The following ABCD2 variants were observed in gnomAD, a reference collection of about 807,000 sequenced individuals.
ABCD2 encodes ATP binding cassette subfamily D member 2, also known as ATP-binding cassette sub-family D member 2.
ABCD2 carries 36 observed loss-of-function variants against 70.9 expected under a neutral mutation model. That is an observed-to-expected ratio of 0.51 (90% CI 0.39 to 0.67). The LOEUF (loss-of-function observed/expected upper bound fraction) is 0.67. ABCD2 is among the 30% of genes least tolerant of loss of function. The pLI is 0.00. For missense variants in ABCD2, 729 were observed against 890.2 expected (o/e 0.82, Z 2.30); for synonymous variants, 304 against 306.9 (o/e 0.99, Z 0.10).
At chr12:39,605,063 C>T in intron 3 of ABCD2, 133 bp from the exon 4 acceptor site, 1 of 568,540 alleles carries the variant, frequency 1.8e-6, no homozygotes, top group Middle Eastern at 5.1e-4. Context: ...ATATATAATA[C>T]ATCTGAAAAC....
intron 8 of ABCD2, 105 bp downstream of exon 8, chr12:39,579,430 C>T (rs1941565810): frequency 1.4e-6 from 1 of 739,772 alleles, no homozygotes; most frequent in Non-Finnish European, 2.3e-6. Context: ...TATTTTTAAG[C>T]TACAGATGAA....
At chr12:39,607,748 T>TC in intron 2 of ABCD2, 34 bp from the exon 3 acceptor site, 1 of 1,260,450 alleles carries the variant, frequency 7.9e-7, no homozygotes, top group Admixed American at 2.2e-5. Flanking sequence ...AACTTGAGTT[T>TC]TTTTTTTTTT....
chr12:39,563,652 T>A (rs199740186), intron 9 of ABCD2, among the ~76,000 whole-genome samples: 1 of 152,156 alleles, frequency 6.6e-6, no homozygotes, highest in Non-Finnish European at 1.5e-5. Context: ...ATACTTTAAG[T>A]TTTAGGGTAC....
chr12:39,606,440 G>A (rs1200730243), intron 3 of ABCD2, among the ~76,000 whole-genome samples: 2 of 152,126 alleles, frequency 1.3e-5, no homozygotes, highest in African/African-American at 4.8e-5. Flanking sequence ...GCAATCATTC[G>A]TTGAGTTGGA....
chr12:39,616,004 C>T (rs762074756), intron 2 of ABCD2, among the ~76,000 whole-genome samples: 2 of 151,956 alleles, frequency 1.3e-5, no homozygotes, highest in Admixed American at 1.3e-4. Flanking sequence ...TCTGAAGTAG[C>T]CTTTCTGGTT....
At chr12:39,589,590 T>C (rs933763198) in intron 6 of ABCD2, among the ~76,000 whole-genome samples, 1 of 152,030 alleles carries the variant, frequency 6.6e-6, no homozygotes. Flanking sequence ...GGTTTTACCG[T>C]GTTAGCCAGG....
chr12:39,584,282 T>C (rs1591982748), intron 7 of ABCD2, among the ~76,000 whole-genome samples: 1 of 152,372 alleles, frequency 6.6e-6, no homozygotes, highest in African/African-American at 2.4e-5. Context: ...TATTGAGCTT[T>C]TTTCATATGC....
At chr12:39,534,731 A>AGGAAGGAAGGAAG in the ABCD2 span, among the ~76,000 whole-genome samples, 1 of 72,024 alleles carries the variant, frequency 1.4e-5, no homozygotes, top group African/African-American at 5.3e-5. Flanking sequence ...AGGAAGGAAA[A>AGGAAGGAAGGAAG]GAAGGAAGGA....
chr12:39,583,990 T>C lies in ABCD2; in HGVS notation c.1792+2162A>G, dbSNP rs78602850. Among the ~76,000 whole-genome samples, 1,101 of 152,322 alleles carry C rather than the reference T, an allele frequency of 7.2e-3. 14 individuals carry two copies. The highest frequency in any genetic ancestry group is 0.025 in the African/African-American group (1,043 of 41,566). ...TGTATAGTGCTGTGATGAACATTTG[T>C]GTGCATATGTCTTTGTGGTAGATGA... On this transcript the variant is annotated intron_variant, in intron 7 of 9. Coordinates refer to ENST00000308666, the MANE Select transcript of ABCD2 (RefSeq NM_005164.4).
At chr12:39,611,278 A>G (rs1424963304) in intron 2 of ABCD2, among the ~76,000 whole-genome samples, 1 of 152,208 alleles carries the variant, frequency 6.6e-6, no homozygotes, top group Non-Finnish European at 1.5e-5. Flanking sequence ...TTGTAATGAA[A>G]GTTCCACACT....
chr12:39,565,767 G>T (rs1025451176), intron 9 of ABCD2, among the ~76,000 whole-genome samples: 1 of 152,164 alleles, frequency 6.6e-6, no homozygotes, highest in East Asian at 1.9e-4. Context: ...CTGTGGGTTT[G>T]TCATAGATAG....
chr12:39,612,453 G>A (rs1012711882), intron 2 of ABCD2, among the ~76,000 whole-genome samples: 1 of 152,150 alleles, frequency 6.6e-6, no homozygotes, highest in Non-Finnish European at 1.5e-5. Context: ...GCATAATACT[G>A]AGTCAAAGAA....
Position 39,617,094 on chromosome 12 carries a change from C to T in ABCD2, c.1014G>A (p.Leu338=). The T allele has an allele frequency of 6.2e-7, 1 of 1,612,850 alleles. No individual in the cohort carries two copies. Among genetic ancestry groups the T allele is most frequent in the South Asian group, 1.1e-5 (1 of 90,842 alleles). The change falls in exon 2 of 10, where the codon TTG becomes TTA. Residue 338 remains leucine, a synonymous_variant. Coordinates refer to ENST00000308666, the MANE Select transcript of ABCD2 (RefSeq NM_005164.4). ...DQMNLILSKR[L]WYIMIEQFLM... ...GGAACTGTTCTATCATGATGTACCA[C>T]AAACGTTTGGATAAAATGAGGTTCA...
chr12:39,576,720 T>A (rs999807955), intron 8 of ABCD2, among the ~76,000 whole-genome samples: 1 of 152,112 alleles, frequency 6.6e-6, no homozygotes, highest in African/African-American at 2.4e-5. Context: ...AAAACCAATT[T>A]ATGGTGACAG....
chr12:39,532,859 G>T, the ABCD2 span, among the ~76,000 whole-genome samples: 38 of 152,150 alleles, frequency 2.5e-4, 1 homozygote, highest in Non-Finnish European at 5.0e-4. Flanking sequence ...TATACATGTT[G>T]GTATGAAAAT....
At chr12:39,575,321 T>A (rs879423289) in intron 8 of ABCD2, among the ~76,000 whole-genome samples, 3 of 152,134 alleles carry the variant, frequency 2.0e-5, no homozygotes, top group Admixed American at 2.0e-4. Context: ...AGATGTAAGA[T>A]CACATGTTTT....
downstream of ABCD2, among the ~76,000 whole-genome samples, chr12:39,549,528 C>T (rs117345561): frequency 3.2e-4 from 49 of 151,826 alleles, no homozygotes; most frequent in East Asian, 8.1e-3. Context: ...CAACCAGGGC[C>T]TCAAAACTTT....
intron 7 of ABCD2, among the ~76,000 whole-genome samples, chr12:39,583,736 T>A (rs552990391): frequency 1.3e-5 from 2 of 152,326 alleles, no homozygotes; most frequent in South Asian, 4.1e-4. Context: ...TAAGTTCTTA[T>A]CATTTAGCCC....
At chr12:39,593,927 T>A (rs924092251) in intron 6 of ABCD2, among the ~76,000 whole-genome samples, 5 of 152,192 alleles carry the variant, frequency 3.3e-5, no homozygotes, top group Non-Finnish European at 7.3e-5. Context: ...TGAACACCAA[T>A]AAATTTTTTA....
Sources: allele counts gnomAD v4.1 joint callset (sites outside exome capture counted in the v4.1 genomes callset), GRCh38; gene constraint gnomAD v4.1.1; transcripts MANE v1.5; gene names NCBI Gene and HGNC (gene_info 2026-07-23, HGNC 2026-07-21).